KCTD19: variants seen among roughly 807,000 people sequenced by gnomAD.
The protein encoded by KCTD19 is BTB/POZ domain-containing protein KCTD19.
A neutral mutation model predicts 103.5 loss-of-function variants in KCTD19; 67 were observed. The observed-to-expected ratio is 0.65, with a 90% CI of 0.53 to 0.79. The LOEUF (loss-of-function observed/expected upper bound fraction) is 0.79, where lower values mean the gene tolerates loss of function less well. KCTD19 is among the 30% of genes least tolerant of loss of function. The pLI, the probability that KCTD19 is intolerant of heterozygous loss-of-function variation, is 0.00. For missense variants in KCTD19, 980 were observed against 1,136.1 expected (o/e 0.86, Z 1.98); for synonymous variants, 439 against 452.2 (o/e 0.97, Z 0.37).
chr16:67,307,752 C>A (rs2036909564), intron 2 of KCTD19, among the ~76,000 whole-genome samples: 1 of 152,184 alleles, frequency 6.6e-6, no homozygotes, highest in African/African-American at 2.4e-5. Flanking sequence ...CTGGGCCAGA[C>A]CCATCACCTC....
chr16:67,301,154 T>A (rs1193800371), intron 5 of KCTD19: 1 of 151,214 alleles, frequency 6.6e-6, no homozygotes, highest in Non-Finnish European at 1.5e-5. Flanking sequence ...TCCATGGAGG[T>A]GGAGTTGGGA....
At chr16:67,295,085 G>A in intron 9 of KCTD19, 29 bp from the exon 10 acceptor site, 1 of 1,603,068 alleles carries the variant, frequency 6.2e-7, no homozygotes, top group Non-Finnish European at 8.5e-7. Flanking sequence ...TATCCAGCTG[G>A]GCAGCTAGGA....
chr16:67,302,198 G>A (rs1322819217), intron 4 of KCTD19: 1 of 353,826 alleles, frequency 2.8e-6, no homozygotes, highest in Non-Finnish European at 5.3e-6. Context: ...TGGGCACACT[G>A]GCCCTGAGAC....
Position 67,293,436 on chromosome 16 carries a change from CG to C in KCTD19, c.2218+107del, listed in dbSNP as rs776220578. On this transcript the variant is annotated intron_variant, in intron 12 of 15. Coordinates refer to ENST00000304372, the MANE Select transcript of KCTD19 (RefSeq NM_001100915.3). The surrounding 1 kb of genome is among the most constrained non-coding windows in gnomAD (Gnocchi z 4.0). Reference sequence around the variant, plus strand: ...CTGGCACAGAGATGGCATTGGTGAGCGGGGGGGTCTAGTCCTCCTTTGTCAC... The same window carrying C: ...CTGGCACAGAGATGGCATTGGTGAGCGGGGGGTCTAGTCCTCCTTTGTCAC... 1.6e-5 allele frequency: 19 copies of C among 1,220,154 alleles called. No individual in the cohort carries two copies. Among genetic ancestry groups the C allele is most frequent in the East Asian group, 2.3e-5 (1 of 42,804 alleles). The allele number at this position is 1,220,154 out of a possible 1,614,324, so 75.6% of individuals were successfully genotyped here.
Position 67,291,817 on chromosome 16 carries a change from G to T in KCTD19, c.2239C>A (p.Pro747Thr). ...KERESPAPEQ[P>T]LPEASEVDSL... Reference sequence around the variant, plus strand: ...TCCACCTCACTGGCCTCGGGCAGAGGCTGCTCAGGGGCAGGGCTTTCTGTG... The same window carrying T: ...TCCACCTCACTGGCCTCGGGCAGAGTCTGCTCAGGGGCAGGGCTTTCTGTG... The change falls in exon 13 of 16, where the codon CCT becomes ACT. Residue 747 changes from proline (P) to threonine (T), a missense_variant. By Grantham distance (38) the Pro-to-Thr change is conservative. Transcript: ENST00000304372. The T allele has an allele frequency of 6.2e-7, 1 of 1,610,030 alleles. No homozygotes were observed. Among genetic ancestry groups the T allele is most frequent in the Non-Finnish European group, 8.5e-7 (1 of 1,177,228 alleles).
At position 67,293,899 on chromosome 16, in the gene KCTD19, T is replaced by G. The variant is rs2036731796; in HGVS notation, c.1863A>C (p.Lys621Asn). The G allele has an allele frequency of 6.2e-7, 1 of 1,613,850 alleles. No individual in the cohort carries two copies. The highest frequency in any genetic ancestry group is 8.5e-7 in the Non-Finnish European group (1 of 1,179,988). ...KKCTTINLTQ[K>N]SETKDPPATP... Reference sequence around the variant, plus strand: ...TGGCGGGAGGGTCTTTGGTTTCAGATTTCTGTGTGAGGTTGATTGTGGTGC... The same window carrying G: ...TGGCGGGAGGGTCTTTGGTTTCAGAGTTCTGTGTGAGGTTGATTGTGGTGC... The change falls in exon 12 of 16, where the codon AAA becomes AAC. Residue 621 changes from lysine (K) to asparagine (N), a missense_variant. Lys to Asn is a moderately conservative substitution (Grantham distance 94). Coordinates refer to ENST00000304372, the MANE Select transcript of KCTD19 (RefSeq NM_001100915.3). This position sits in a 1 kb window ranked among gnomAD's most constrained non-coding sequence, Gnocchi z 4.0.
intron 1 of KCTD19, chr16:67,325,810 G>C (rs981826262): frequency 5.3e-5 from 8 of 152,172 alleles, no homozygotes; most frequent in Admixed American, 2.6e-4. Flanking sequence ...TTCAGGAAAC[G>C]GGGTAGCCCT....
At chr16:67,299,654 G>T in intron 5 of KCTD19, 81 bp from the exon 6 acceptor site, 2 of 1,163,962 alleles carry the variant, frequency 1.7e-6, no homozygotes, top group Non-Finnish European at 2.5e-6. Context: ...GGTTCCTACT[G>T]CTGCCTCCAT....
intron 1 of KCTD19, among the ~76,000 whole-genome samples, chr16:67,322,846 A>G (rs1567455962): frequency 6.6e-6 from 1 of 152,182 alleles, no homozygotes; most frequent in Non-Finnish European, 1.5e-5. Flanking sequence ...TATATAAAGA[A>G]CTCTTAAACT....
rs1377399906 is a variant in KCTD19, at chr16:67,296,162, C to T, written c.1245G>A (p.Leu415=). The part of the protein sequence containing the change: ...HWYATTLQTL[L]KYPELLSNPQ... ...GGGCAGCCGAGGCCGTCAGTACCTT[C>T]AGCAGTGTCTGCAGGGTGGTTGCGT... The change falls in exon 8 of 16, where the codon CTG becomes CTA. Residue 415 remains leucine, a synonymous_variant. Transcript: ENST00000304372. 2 of 1,599,800 alleles carry T rather than the reference C, an allele frequency of 1.3e-6. No individual in the cohort carries two copies. Among genetic ancestry groups the T allele is most frequent in the South Asian group, 1.1e-5 (1 of 90,804 alleles).
intron 2 of KCTD19, among the ~76,000 whole-genome samples, chr16:67,312,190 C>T (rs1305433591): frequency 6.6e-6 from 1 of 152,178 alleles, no homozygotes; most frequent in Admixed American, 6.5e-5. Context: ...AACACATTGT[C>T]CTCAGTGGAC....
At position 67,294,981 on chromosome 16, in the gene KCTD19, T is replaced by C. The variant is rs2036748029; in HGVS notation, c.1467A>G (p.Glu489=). 6.2e-7 allele frequency: 1 copy of C among 1,612,434 alleles called. No homozygotes were observed. The change falls in exon 10 of 16, where the codon GAA becomes GAG. Residue 489 remains glutamate (E), a synonymous_variant. Coordinates refer to ENST00000304372, the MANE Select transcript of KCTD19 (RefSeq NM_001100915.3). Reference sequence around the variant, plus strand: ...TGATAAAGTTTTCTTACTTGTATGCTTCACATTGTGCAAGGGCTTCTGAGA... The same window carrying C: ...TGATAAAGTTTTCTTACTTGTATGCCTCACATTGTGCAAGGGCTTCTGAGA... ...PSLSEALAQC[E]AYKSWTQEKE... is the part of the protein sequence containing the mutation.
At chr16:67,315,971 T>G (rs1193297884) in intron 2 of KCTD19, among the ~76,000 whole-genome samples, 1 of 152,162 alleles carries the variant, frequency 6.6e-6, no homozygotes, top group Non-Finnish European at 1.5e-5. Flanking sequence ...CTTACCCCTT[T>G]GCCCCTTTTT....
Position 67,294,612 on chromosome 16 carries a change from AC to A in KCTD19, c.1557del (p.Ser520HisfsTer120). Reference protein sequence around the residue: ...RRLHVVTEGPGSLVEFSRDTK... With the variant: ...RRLHVVTEGPXSLVEFSRDTK... ...GTGTCTCTACTGAACTCCACCAGTG[AC>A]CCTGGCCCTTCTGTCACCACATGCA... is the stretch of plus-strand genomic sequence containing the variant. On this transcript the variant is annotated frameshift_variant, in exon 11 of 16. Coordinates refer to ENST00000304372, the MANE Select transcript of KCTD19 (RefSeq NM_001100915.3). LOFTEE classifies it high-confidence loss of function. 1 of 1,613,972 alleles carries A rather than the reference AC, an allele frequency of 6.2e-7. No individual in the cohort carries two copies. The highest frequency in any genetic ancestry group is 8.5e-7 in the Non-Finnish European group (1 of 1,179,854).
At chr16:67,302,365 C>A in intron 4 of KCTD19, 1 of 182,986 alleles carries the variant, frequency 5.5e-6, no homozygotes. Flanking sequence ...ATGGAGCCAA[C>A]GCTAATGTCC....
rs899543142 is a variant in KCTD19 at position 67,323,478 on chromosome 16, G to A, written c.4-2593C>T. Among the ~76,000 whole-genome samples the A allele has an allele frequency of 3.3e-5, 5 of 152,226 alleles. No homozygotes were observed. The highest frequency in any genetic ancestry group is 7.2e-5 in the African/African-American group (3 of 41,526). On this transcript the variant is annotated intron_variant, in intron 1 of 15. Coordinates refer to ENST00000304372, the MANE Select transcript of KCTD19 (RefSeq NM_001100915.3). This position sits in a 1 kb window ranked among gnomAD's most constrained non-coding sequence, Gnocchi z 4.1. ...TTTGAGGCTGCAGTGAGCTGTGATC[G>A]TGCCATTGCACTCCAGCCTGGGCGT...
At chr16:67,308,417 G>A (rs1228456376) in intron 2 of KCTD19, among the ~76,000 whole-genome samples, 7 of 151,768 alleles carry the variant, frequency 4.6e-5, no homozygotes, top group African/African-American at 1.5e-4. Flanking sequence ...CTCCCACCTC[G>A]GCCTCCCAAA....
At chr16:67,291,484 A>C in intron 13 of KCTD19, 21 bp from the exon 14 acceptor site, 1 of 1,610,622 alleles carries the variant, frequency 6.2e-7, no homozygotes, top group South Asian at 1.1e-5. Context: ...GGGAAAGTGG[A>C]TGTGGCCACA....
intron 15 of KCTD19, among the ~76,000 whole-genome samples, chr16:67,290,386 G>T (rs933605080): frequency 6.6e-6 from 1 of 152,028 alleles, no homozygotes; most frequent in African/African-American, 2.4e-5. Context: ...CACTGTGTTA[G>T]CCAGGATGGT....
Sources: gnomAD v4.1 joint callset for allele counts (sites outside exome capture counted in the v4.1 genomes callset) on GRCh38, gnomAD v4.1.1 for gene constraint, Gnocchi (gnomAD v3.1) non-coding constraint, MANE v1.5 for transcripts, NCBI Gene and HGNC (gene_info 2026-07-23, HGNC 2026-07-21) for gene names.